ATR: variants seen among roughly 807,000 people sequenced by gnomAD.
ATR encodes the protein ATR checkpoint kinase, also known as serine/threonine-protein kinase ATR.
A neutral mutation model predicts 305.3 loss-of-function variants in ATR; 142 were observed. The observed-to-expected ratio is 0.47, with a 90% confidence interval of 0.41 to 0.53. ATR has a LOEUF of 0.53. Ranked by LOEUF, ATR falls within the 20% of genes least tolerant of loss-of-function variation. The pLI is 0.00. For synonymous variants in ATR, 1,050 were observed against 1,068.1 expected (o/e 0.98, Z 0.33); for missense variants, 2,135 against 3,133.1 (o/e 0.68, Z 7.60).
At chr3:142,513,695 A>G in intron 25 of ATR, 57 bp from the exon 26 acceptor site, 6 of 1,539,562 alleles carry the variant, frequency 3.9e-6, no homozygotes, top group Non-Finnish European at 5.4e-6. Flanking sequence ...TTAAATGTCA[A>G]AGAGTAGCAT....
Position 142,577,164 on chromosome 3 carries a change from ACT to A in ATR, c.59+1480_59+1481del, listed in dbSNP as rs563766652. Among the ~76,000 whole-genome samples, 11 of 152,214 alleles carry A rather than the reference ACT, an allele frequency of 7.2e-5. No homozygotes were observed. In the South Asian group the frequency reaches 2.1e-3, roughly 29 times the overall value. ...CATGACAATTAAAAACTATTAGACAACTCTCTGTGGGTCAGTTTTTCTATTCT... is the reference window on the plus strand; with the variant it reads ...CATGACAATTAAAAACTATTAGACAACTCTGTGGGTCAGTTTTTCTATTCT... On this transcript the variant is annotated intron_variant, in intron 1 of 46. Transcript: ENST00000350721.
Position 142,554,047 on chromosome 3 carries a change from A to C in ATR, c.2342-32T>G, listed in dbSNP as rs771112057. The C allele has an allele frequency of 5.9e-6, 9 of 1,524,756 alleles. No individual in the cohort carries two copies. The Admixed American group carries it at 1.6e-4, about 28-fold the overall frequency. 94.5% of individuals were successfully genotyped at this position (1,524,756 alleles called of 1,614,324 possible). On this transcript the variant is annotated intron_variant, in intron 10 of 46. Coordinates refer to ENST00000350721, the MANE Select transcript of ATR (RefSeq NM_001184.4). ...GACAAGAGTATACAATACCTAATTTAACATATTAAATGTCAAGGTTGTACT... is the reference window on the plus strand; with the variant it reads ...GACAAGAGTATACAATACCTAATTTCACATATTAAATGTCAAGGTTGTACT...
intron 35 of ATR, among the ~76,000 whole-genome samples, chr3:142,486,951 TAAAAATACAAA>T (rs2030967201): frequency 5.6e-5 from 1 of 17,874 alleles, no homozygotes; most frequent in African/African-American, 2.2e-4. Context: ...TGGTCTCTAC[TAAAAATACAAA>T]AAAAAAAAAA....
intron 1 of ATR, among the ~76,000 whole-genome samples, chr3:142,568,597 T>G (rs990781934): frequency 6.6e-6 from 1 of 152,120 alleles, no homozygotes; most frequent in African/African-American, 2.4e-5. Flanking sequence ...CCCTTCCGAG[T>G]TGCAGGGTCG....
intron 45 of ATR, 114 bp downstream of exon 45, chr3:142,457,490 A>C: frequency 1.7e-5 from 22 of 1,258,494 alleles, no homozygotes; most frequent in Non-Finnish European, 2.4e-5. Flanking sequence ...CTATTATTTA[A>C]AAAAACTATT....
At chr3:142,461,466 A>G (rs2071022583) in intron 42 of ATR, among the ~76,000 whole-genome samples, 1 of 152,108 alleles carries the variant, frequency 6.6e-6, no homozygotes. Context: ...ATAGTTTACA[A>G]TCATTATTTA....
At chr3:142,541,066 C>T in intron 17 of ATR, 32 bp from the exon 18 acceptor site, 1 of 1,612,424 alleles carries the variant, frequency 6.2e-7, no homozygotes, top group South Asian at 1.1e-5. Flanking sequence ...CAGAGTAAAG[C>T]TTATAAACAT....
At chr3:142,494,480 T>C (rs1466348673) in intron 34 of ATR, among the ~76,000 whole-genome samples, 3 of 152,016 alleles carry the variant, frequency 2.0e-5, no homozygotes, top group African/African-American at 4.8e-5. Context: ...GAGAAGAGAG[T>C]CCCTTAAACC....
rs1343874989 is a variant in ATR, at chr3:142,556,451, A to G, written c.2010T>C (p.Ser670=). Residue 670 remains serine, a synonymous_variant, in exon 9 of 47, where the codon AGT becomes AGC. Transcript: ENST00000350721. ...LQSSHEVIRA[S]CVSGFFILLQ... is the part of the protein sequence containing the mutation. ...ATAAGATAAAAAATCCACTAACACA[A>G]CTAGCCCGGATTACTTCATGGGAGC... The G allele has an allele frequency of 1.2e-6, 2 of 1,614,006 alleles. No homozygotes were observed. Among genetic ancestry groups the G allele is most frequent in the African/African-American group, 1.3e-5 (1 of 74,934 alleles).
At chr3:142,528,873 A>ATTTTTTTTTTTT in intron 21 of ATR, among the ~76,000 whole-genome samples, 1 of 48,616 alleles carries the variant, frequency 2.1e-5, no homozygotes, top group South Asian at 4.3e-4. Flanking sequence ...ATATATATAT[A>ATTTTTTTTTTTT]TATATATTTT....
intron 26 of ATR, among the ~76,000 whole-genome samples, chr3:142,513,009 GATA>G (rs1457334319): frequency 1.3e-5 from 2 of 151,880 alleles, no homozygotes; most frequent in African/African-American, 2.4e-5. Flanking sequence ...TTCAATAAAT[GATA>G]ATGAAACTTT....
chr3:142,569,216 ACAGTGGCTGTAC>A (rs1442745607), intron 1 of ATR, among the ~76,000 whole-genome samples: 3 of 152,200 alleles, frequency 2.0e-5, no homozygotes, highest in African/African-American at 4.8e-5. Flanking sequence ...ACCCTTTTCC[ACAGTGGCTGTAC>A]CATTGTACAC....
intron 41 of ATR, among the ~76,000 whole-genome samples, chr3:142,462,500 G>A (rs987864220): frequency 6.7e-6 from 1 of 148,394 alleles, no homozygotes; most frequent in Non-Finnish European, 1.5e-5. Context: ...ATGGAGTCTT[G>A]CTCTGTCGCC....
rs143256647 is a variant in ATR at position 142,463,644 on chromosome 3, G to A, written c.7041+1453C>T. On this transcript the variant is annotated intron_variant, in intron 41 of 46. Transcript: ENST00000350721. Reference sequence around the variant, plus strand: ...ACTACTGGCCTCAAGTGATCTGCCCGCCTCAGCTGGGATTACAGGCATGAG... The same window carrying A: ...ACTACTGGCCTCAAGTGATCTGCCCACCTCAGCTGGGATTACAGGCATGAG... 2.6e-3 allele frequency among the ~76,000 whole-genome samples: 394 copies of A among 152,152 alleles called. 1 individual carries two copies. The highest frequency in any genetic ancestry group is 6.8e-3 in the African/African-American group (283 of 41,522).
chr3:142,496,177 G>T (rs1291174085), intron 34 of ATR, among the ~76,000 whole-genome samples, 184 bp downstream of exon 34: 3 of 150,214 alleles, frequency 2.0e-5, no homozygotes. Context: ...TCCAGGCTAT[G>T]GTAGATAACT....
chr3:142,459,797 T>C (rs1461241541), intron 42 of ATR, among the ~76,000 whole-genome samples: 1 of 151,972 alleles, frequency 6.6e-6, no homozygotes, highest in African/African-American at 2.4e-5. Context: ...ATCCTCCAGA[T>C]AAGGAGGGAC....
chr3:142,511,037 C>A (rs565989614), intron 27 of ATR, among the ~76,000 whole-genome samples: 2 of 152,158 alleles, frequency 1.3e-5, no homozygotes, highest in African/African-American at 4.8e-5. Context: ...GGCTAGATAT[C>A]AAACACTACT....
Position 142,450,201 on chromosome 3 carries a change from C to CTGGA in ATR, c.7762-600_7762-599insTCCA, listed in dbSNP as rs878907689. On this transcript the variant is annotated intron_variant, in intron 46 of 46. Coordinates refer to ENST00000350721, the MANE Select transcript of ATR (RefSeq NM_001184.4). The stretch of plus-strand genomic sequence containing the variant: ...TCGACTTTTCCGCCAAGAGCCTGGA[C>CTGGA]TCCAAATATGACTTATGTTCCAGCA... 8 of 548,508 alleles carry CTGGA rather than the reference C, an allele frequency of 1.5e-5. No homozygotes were observed. The South Asian group carries it at 1.5e-4, about 10-fold the overall frequency. The allele number at this position is 548,508 out of a possible 1,614,324, so 34.0% of individuals were successfully genotyped here.
chr3:142,513,676 A>G (rs779965479), intron 25 of ATR, 38 bp from the exon 26 acceptor site: 1 of 1,600,574 alleles, frequency 6.2e-7, no homozygotes, highest in Non-Finnish European at 8.6e-7. Context: ...ACACACTTTC[A>G]CATATTGATT....
Sources: allele counts gnomAD v4.1 joint callset (sites outside exome capture counted in the v4.1 genomes callset), GRCh38; gene constraint gnomAD v4.1.1; transcripts MANE v1.5; gene names NCBI Gene and HGNC (gene_info 2026-07-23, HGNC 2026-07-21).